MIDEAS: variants seen among roughly 807,000 people sequenced by gnomAD.
The protein encoded by MIDEAS is mitotic deacetylase associated SANT domain protein.
Under a neutral mutation model 102.7 loss-of-function variants are expected in MIDEAS, and 26 were observed. That is an observed-to-expected ratio of 0.25 (90% CI 0.19 to 0.35). The LOEUF (loss-of-function observed/expected upper bound fraction) is 0.35, where lower values mean the gene tolerates loss of function less well. Among genes scored for constraint, MIDEAS ranks in the 10% least tolerant of loss-of-function variants. The pLI is 1.00. For synonymous variants in MIDEAS, 585 were observed against 591.0 expected (o/e 0.99, Z 0.15); for missense variants, 1,231 against 1,435.6 (o/e 0.86, Z 2.30).
chr14:73,727,567 A>G, intron 4 of MIDEAS, 43 bp from the exon 5 acceptor site: 1 of 1,553,262 alleles, frequency 6.4e-7, no homozygotes, highest in Non-Finnish European at 8.7e-7. Context: ...CCCCCCTTTC[A>G]GCAAAGCACC....
chr14:73,727,058 G>A (rs372337630), intron 5 of MIDEAS, 86 bp from the exon 6 acceptor site: 2 of 1,495,088 alleles, frequency 1.3e-6, no homozygotes, highest in Admixed American at 2.1e-5. Context: ...AAGAAGATGA[G>A]GGGGAGCCGG....
intron 7 of MIDEAS, 92 bp downstream of exon 7, chr14:73,726,512 G>A: frequency 8.1e-7 from 1 of 1,235,590 alleles, no homozygotes; most frequent in Non-Finnish European, 1.2e-6. Context: ...CCTCAAATGT[G>A]CATGCCAGCA....
Position 73,725,939 on chromosome 14 carries a change from C to G in MIDEAS, c.2485+94G>C, listed in dbSNP as rs1255206074. 13 of 1,116,556 alleles carry G rather than the reference C, an allele frequency of 1.2e-5. No individual in the cohort carries two copies. The highest frequency in any genetic ancestry group is 9.4e-5 in the African/African-American group (6 of 64,166). 69.2% of individuals were successfully genotyped at this position (1,116,556 alleles called of 1,614,324 possible). The stretch of plus-strand genomic sequence containing the variant: ...TTATCTACCCTCCTCCTCCCGCCCC[C>G]ACCCAGGGCTGTGACTCAGCACTGA... On this transcript the variant is annotated intron_variant, in intron 8 of 12. Coordinates refer to ENST00000423556, the MANE Select transcript of MIDEAS (RefSeq NM_001367710.1). The surrounding 1 kb of genome is among the most constrained non-coding windows in gnomAD (Gnocchi z 4.1).
At chr14:73,733,880 A>G (rs1170968836) in intron 3 of MIDEAS, among the ~76,000 whole-genome samples, 1 of 151,820 alleles carries the variant, frequency 6.6e-6, no homozygotes, top group Non-Finnish European at 1.5e-5. Context: ...TTTTTAGTAG[A>G]GACGGGGTTT....
rs1251455736 is a variant in MIDEAS at position 73,721,598 on chromosome 14, C to T, written c.2725-89G>A. The T allele has an allele frequency of 5.0e-6, 6 of 1,210,672 alleles. No individual in the cohort carries two copies. The East Asian group carries it at 1.4e-4, about 28-fold the overall frequency. The allele number at this position is 1,210,672 out of a possible 1,614,324, so 75.0% of individuals were successfully genotyped here. A position where few individuals can be genotyped will look rare whatever the true frequency, so the allele number is the denominator to read the frequency against. ...CTGACCCGGCCGGGGGGTTCACCAG[C>T]CCCAGCTAGTCCTGCTCGCCTGGCT... On this transcript the variant is annotated intron_variant, in intron 10 of 12. Coordinates refer to ENST00000423556, the MANE Select transcript of MIDEAS (RefSeq NM_001367710.1).
chr14:73,755,245 C>T (rs2053465879), intron 1 of MIDEAS, among the ~76,000 whole-genome samples: 1 of 152,278 alleles, frequency 6.6e-6, no homozygotes, highest in Non-Finnish European at 1.5e-5. Flanking sequence ...CCCCAAGCCC[C>T]GGCTCTTCCC....
At position 73,721,413 on chromosome 14, in the gene MIDEAS, C is replaced by G; in HGVS notation, c.2821G>C (p.Glu941Gln). The G allele has an allele frequency of 6.2e-7, 1 of 1,614,166 alleles. No homozygotes were observed. The highest frequency in any genetic ancestry group is 1.3e-5 in the African/African-American group (1 of 75,026). ...ATCTCTGGCACCTCCTCCTCCCCCT[C>G]CTTCCTGGGCTCCTTCACCTCCCTC... The part of the protein sequence containing the change: ...PKREVKEPRK[E>Q]GEEEVPEIQE... The change falls in exon 11 of 13, where the codon GAG (glutamate) becomes CAG (glutamine). Residue 941 changes from glutamate (E) to glutamine (Q), a missense_variant. This residue lies in a region of MIDEAS where 391 missense variants were observed against 483.0 expected (regional missense o/e 0.81). Coordinates refer to ENST00000423556, the MANE Select transcript of MIDEAS (RefSeq NM_001367710.1).
intron 4 of MIDEAS, 78 bp from the exon 5 acceptor site, chr14:73,727,602 T>G: frequency 7.4e-7 from 1 of 1,353,102 alleles, no homozygotes; most frequent in Non-Finnish European, 1.0e-6. Context: ...CTGCCCTGTA[T>G]GTGCAAGAGT....
intron 1 of MIDEAS, among the ~76,000 whole-genome samples, chr14:73,747,698 T>G (rs2140137631): frequency 2.6e-5 from 3 of 116,430 alleles, no homozygotes; most frequent in Admixed American, 9.0e-5. Flanking sequence ...GGGGTGGGGG[T>G]CGGGGGTGGG....
At chr14:73,773,249 T>C (rs2053658161) in intron 1 of MIDEAS, among the ~76,000 whole-genome samples, 1 of 151,952 alleles carries the variant, frequency 6.6e-6, no homozygotes, top group Non-Finnish European at 1.5e-5. Flanking sequence ...GATCTACTCT[T>C]ATAATGCACT....
intron 1 of MIDEAS, among the ~76,000 whole-genome samples, chr14:73,747,969 T>G (rs750029266): frequency 6.6e-6 from 1 of 152,284 alleles, no homozygotes; most frequent in Non-Finnish European, 1.5e-5. Context: ...TGGGACCCAA[T>G]TGAGTGCCCA....
At chr14:73,775,142 C>T (rs1251447552) in intron 1 of MIDEAS, among the ~76,000 whole-genome samples, 2 of 151,866 alleles carry the variant, frequency 1.3e-5, no homozygotes, top group African/African-American at 2.4e-5. Context: ...TATAACAAGG[C>T]GAGAGAAGTG....
upstream of MIDEAS, chr14:73,790,152 C>T (rs1161091305): frequency 6.6e-6 from 1 of 152,246 alleles, no homozygotes; most frequent in East Asian, 1.9e-4. Flanking sequence ...ATTCTGTCCA[C>T]GTGATGGTGT....
At position 73,715,892 on chromosome 14, in the gene MIDEAS, G is replaced by A. The variant is rs2052879497; in HGVS notation, c.*2951C>T. ...GGTGGTATGTACCTTAGCTGTGAGGGGGGCTGCTGAAGGCATGGAGGACAG... is the reference window on the plus strand; with the variant it reads ...GGTGGTATGTACCTTAGCTGTGAGGAGGGCTGCTGAAGGCATGGAGGACAG... On this transcript the variant is annotated 3_prime_UTR_variant, in exon 13 of 13. Transcript: ENST00000423556. The A allele has an allele frequency of 6.6e-6, 1 of 152,472 alleles. No individual in the cohort carries two copies. The highest frequency in any genetic ancestry group is 1.5e-5 in the Non-Finnish European group (1 of 68,120). 9.4% of individuals were successfully genotyped at this position (152,472 alleles called of 1,614,324 possible).
Position 73,718,653 on chromosome 14 carries a change from A to G in MIDEAS, c.*190T>C. The G allele has an allele frequency of 2.0e-6, 1 of 495,770 alleles. No homozygotes were observed. The highest frequency in any genetic ancestry group is 3.2e-6 in the Non-Finnish European group (1 of 310,470). The allele number at this position is 495,770 out of a possible 1,614,324, so 30.7% of individuals were successfully genotyped here. ...AAATGCAAAGAGAGCTGGATCCTGG[A>G]GCCCTTAACGCTGCTCCCAGGGCCT... On this transcript the variant is annotated 3_prime_UTR_variant, in exon 13 of 13. Coordinates refer to ENST00000423556, the MANE Select transcript of MIDEAS (RefSeq NM_001367710.1).
intron 7 of MIDEAS, 120 bp downstream of exon 7, chr14:73,726,484 G>T: frequency 1.0e-6 from 1 of 976,962 alleles, no homozygotes; most frequent in Non-Finnish European, 1.5e-6. Context: ...CCCTTCCTTA[G>T]TCAGACCCTC....
rs543086233 is a variant in MIDEAS, at chr14:73,742,531, C to G, written c.-247-2276G>C. Among the ~76,000 whole-genome samples the G allele has an allele frequency of 6.6e-6, 1 of 152,180 alleles. No homozygotes were observed. The highest frequency in any genetic ancestry group is 1.5e-5 in the Non-Finnish European group (1 of 68,008). ...GCTTACCCACAGCTGTATGGTCAGC[C>G]CTGGAGGAGCTGAGCTCAGCTGGGA... On this transcript the variant is annotated intron_variant, in intron 1 of 12. Transcript: ENST00000423556. The surrounding 1 kb of genome is among the most constrained non-coding windows in gnomAD (Gnocchi z 4.4).
chr14:73,734,707 C>T (rs562322501), intron 3 of MIDEAS, among the ~76,000 whole-genome samples: 1 of 152,252 alleles, frequency 6.6e-6, no homozygotes, highest in East Asian at 1.9e-4. Context: ...GCTGTGATTG[C>T]AGGCATAACC....
At chr14:73,724,251 C>T (rs2053032507) in intron 9 of MIDEAS, 1 of 152,190 alleles carries the variant, frequency 6.6e-6, no homozygotes, top group Non-Finnish European at 1.5e-5. Context: ...GCACATTGCT[C>T]AGCCACCGCT....
Sources: allele counts gnomAD v4.1 joint callset (sites outside exome capture counted in the v4.1 genomes callset), GRCh38; gene constraint gnomAD v4.1.1; regional missense constraint gnomAD v4.1.1; non-coding constraint Gnocchi (gnomAD v3.1); transcripts MANE v1.5; gene names NCBI Gene and HGNC (gene_info 2026-07-23, HGNC 2026-07-21).